The following NFATC2 variants were observed in gnomAD, a reference collection of about 807,000 sequenced individuals.
NFATC2 encodes nuclear factor of activated T cells 2.
A neutral mutation model predicts 87.3 loss-of-function variants in NFATC2; 22 were observed. The ratio of observed to expected loss-of-function variants is 0.25; its 90% CI spans 0.18 to 0.36. The LOEUF (loss-of-function observed/expected upper bound fraction) is 0.36. NFATC2 is among the 10% of genes least tolerant of loss of function. The pLI, the probability that NFATC2 is intolerant of heterozygous loss-of-function variation, is 1.00. For synonymous variants in NFATC2, 565 were observed against 542.2 expected (o/e 1.04, Z -0.58); for missense variants, 1,149 against 1,259.1 (o/e 0.91, Z 1.32).
chr20:51,453,123 C>T (rs1986005003), intron 6 of NFATC2: 1 of 154,496 alleles, frequency 6.5e-6, no homozygotes, highest in South Asian at 2.0e-4. Context: ...TTCGCAAAGG[C>T]GTCATCAAAC....
intron 3 of NFATC2, among the ~76,000 whole-genome samples, chr20:51,508,565 C>A (rs2076222220): frequency 6.6e-6 from 1 of 152,042 alleles, no homozygotes; most frequent in African/African-American, 2.4e-5. Flanking sequence ...CCTCAGAACC[C>A]CCACATCACA....
rs770188595 is a variant in NFATC2 at position 51,523,384 on chromosome 20, T to C, written c.857A>G (p.Gln286Arg). ...GTACCCAGCCGGGGAGCCGTGGTCC[T>C]GGGGTGCCACGTGAGATGAGGGCTG... ...SPQPSSHVAP[Q>R]DHGSPAGYPP... The change falls in exon 2 of 11, where the codon CAG becomes CGG. Residue 286 changes from glutamine to arginine, a missense_variant. Transcript: ENST00000371564. This position sits in a 1 kb window ranked among gnomAD's most constrained non-coding sequence, Gnocchi z 6.9. 2 of 1,610,702 alleles carry C rather than the reference T, an allele frequency of 1.2e-6. No homozygotes were observed. Among genetic ancestry groups the C allele is most frequent in the East Asian group, 2.2e-5 (1 of 44,792 alleles).
chr20:51,520,603 G>A (rs1193771715), intron 2 of NFATC2, among the ~76,000 whole-genome samples: 1 of 151,426 alleles, frequency 6.6e-6, no homozygotes, highest in Non-Finnish European at 1.5e-5. Context: ...AAGAAAAAGG[G>A]AAAAAGAAGA....
chr20:51,396,349 T>A (rs530784565), intron 10 of NFATC2, among the ~76,000 whole-genome samples: 2 of 152,144 alleles, frequency 1.3e-5, no homozygotes, highest in South Asian at 4.2e-4. Context: ...CAGGATTACA[T>A]GGGGAAAACA....
At chr20:51,449,055 A>C (rs1425458088) in intron 6 of NFATC2, among the ~76,000 whole-genome samples, 3 of 152,146 alleles carry the variant, frequency 2.0e-5, no homozygotes, top group Non-Finnish European at 4.4e-5. Flanking sequence ...CTATAAAAAG[A>C]ACATTGGAGC....
At chr20:51,469,336 T>G (rs1202235853) in intron 5 of NFATC2, among the ~76,000 whole-genome samples, 1 of 152,194 alleles carries the variant, frequency 6.6e-6, no homozygotes, top group Non-Finnish European at 1.5e-5. Context: ...TATTTTTTAA[T>G]ACAACTCCCG....
At chr20:51,392,590 T>C (rs932620415) in intron 10 of NFATC2, among the ~76,000 whole-genome samples, 2 of 152,232 alleles carry the variant, frequency 1.3e-5, no homozygotes, top group Non-Finnish European at 2.9e-5. Context: ...AGGTAGACCA[T>C]ACTGACTAGT....
Position 51,523,313 on chromosome 20 carries a change from G to A in NFATC2, c.928C>T (p.Leu310Phe), listed in dbSNP as rs2076481838. 1.2e-6 allele frequency: 2 copies of A among 1,613,540 alleles called. No homozygotes were observed. Among genetic ancestry groups the A allele is most frequent in the East Asian group, 2.2e-5 (1 of 44,862 alleles). ...ATCCCACAAGGCGAGTCCGTGGCGA[G>A]GCTGTTCAGGGCATCCATGATCACG... is the stretch of plus-strand genomic sequence containing the variant. Reference protein sequence around the residue: ...SAVIMDALNSLATDSPCGIPP... With the variant: ...SAVIMDALNSFATDSPCGIPP... The change falls in exon 2 of 11, where the codon CTC (leucine) becomes TTC (phenylalanine). Residue 310 changes from leucine to phenylalanine, a missense_variant. By Grantham distance (22) the Leu-to-Phe change is conservative (BLOSUM62 0). Around this residue, in one of 3 missense-constraint regions of NFATC2, gnomAD observed 563 missense variants for 585.2 expected, o/e 0.96. Transcript: ENST00000371564. This position sits in a 1 kb window ranked among gnomAD's most constrained non-coding sequence, Gnocchi z 6.9.
intron 9 of NFATC2, among the ~76,000 whole-genome samples, chr20:51,406,997 T>C (rs981782316): frequency 6.6e-6 from 1 of 152,190 alleles, no homozygotes; most frequent in Non-Finnish European, 1.5e-5. Flanking sequence ...GATGATCTGC[T>C]TCTCTCCCTC....
rs533380753 is a variant in NFATC2 at position 51,561,537 on chromosome 20, C to T, written c.70+1023G>A. On this transcript the variant is annotated intron_variant, in intron 1 of 10. Coordinates refer to the NFATC2 transcript ENST00000414705. ...CAAGCAAGCAAGCAAGCAAAAGCCT[C>T]TCAGGTTTATTTACTGAAATTGTCA... 7.5e-5 allele frequency among the ~76,000 whole-genome samples: 11 copies of T among 147,556 alleles called. No individual in the cohort carries two copies. The South Asian group carries it at 2.4e-3, about 32-fold the overall frequency.
At chr20:51,421,878 T>TAAGA (rs201701053) in intron 9 of NFATC2, among the ~76,000 whole-genome samples, 19,517 of 152,098 alleles carry the variant, frequency 0.13, 3,747 homozygotes, top group African/African-American at 0.41. Flanking sequence ...CTCAATCCAG[T>TAAGA]TGGGGAGAGG....
chr20:51,493,178 G>T (rs2075926832), intron 3 of NFATC2, among the ~76,000 whole-genome samples: 1 of 152,212 alleles, frequency 6.6e-6, no homozygotes, highest in Non-Finnish European at 1.5e-5. Flanking sequence ...GAACTCGCTG[G>T]CTGTGGACCT....
chr20:51,525,769 C>T (rs2076534781), intron 1 of NFATC2, among the ~76,000 whole-genome samples: 1 of 152,128 alleles, frequency 6.6e-6, no homozygotes, highest in Non-Finnish European at 1.5e-5. Flanking sequence ...GTCATCTCCT[C>T]CCTGGCCTCC....
At chr20:51,431,294 C>T (rs529926118) in intron 9 of NFATC2, among the ~76,000 whole-genome samples, 6 of 152,274 alleles carry the variant, frequency 3.9e-5, no homozygotes, top group African/African-American at 9.6e-5. Flanking sequence ...CCTTGCGGCT[C>T]CCAGGTGAGT....
At chr20:51,516,114 G>A (rs1234464200) in intron 3 of NFATC2, among the ~76,000 whole-genome samples, 1 of 151,590 alleles carries the variant, frequency 6.6e-6, no homozygotes, top group Admixed American at 6.6e-5. Context: ...GGAAAAATAG[G>A]CACACTTCTC....
intron 3 of NFATC2, among the ~76,000 whole-genome samples, chr20:51,484,533 G>A (rs1029910050): frequency 2.6e-5 from 4 of 152,224 alleles, no homozygotes; most frequent in African/African-American, 7.2e-5. Flanking sequence ...GGTGTCCAAC[G>A]AGCGAGCAAG....
intron 1 of NFATC2, among the ~76,000 whole-genome samples, chr20:51,526,630 G>A (rs2076550134): frequency 6.6e-6 from 1 of 152,136 alleles, no homozygotes; most frequent in African/African-American, 2.4e-5. Flanking sequence ...CCCTCTTCCT[G>A]CTTTGGGGGA....
At chr20:51,398,893 A>T in intron 9 of NFATC2, 163 bp from the exon 10 acceptor site, 2 of 610,556 alleles carry the variant, frequency 3.3e-6, no homozygotes, top group Non-Finnish European at 5.8e-6. Flanking sequence ...CATTTGTGCC[A>T]GAATTAACCC....
At chr20:51,506,111 G>A (rs905836972) in intron 3 of NFATC2, among the ~76,000 whole-genome samples, 7 of 152,174 alleles carry the variant, frequency 4.6e-5, no homozygotes, top group African/African-American at 9.7e-5. Flanking sequence ...CAGCTTCTCC[G>A]AGCCTCAGTT....
Sources: gnomAD v4.1 joint callset for allele counts (sites outside exome capture counted in the v4.1 genomes callset) on GRCh38, gnomAD v4.1.1 for gene constraint, gnomAD v4.1.1 regional missense constraint, Gnocchi (gnomAD v3.1) non-coding constraint, MANE v1.5 for transcripts, NCBI Gene and HGNC (gene_info 2026-07-23, HGNC 2026-07-21) for gene names.